Variants in LMO7 observed in about 807,000 individuals in gnomAD.
LMO7 encodes the protein LIM domain 7.
In LMO7, 120 loss-of-function variants were observed where a neutral mutation model predicts 206.5. The ratio of observed to expected loss-of-function variants is 0.58; its 90% CI spans 0.50 to 0.68. LMO7 has a LOEUF of 0.68. LMO7 is among the 30% of genes least tolerant of loss of function. The pLI, the probability that LMO7 is intolerant of heterozygous loss-of-function variation, is 0.00. For missense variants in LMO7, 1,959 were observed against 1,957.9 expected (o/e 1.00, Z -0.01); for synonymous variants, 706 against 681.5 (o/e 1.04, Z -0.56).
At chr13:75,766,437 T>C (rs947621670) in intron 4 of LMO7, among the ~76,000 whole-genome samples, 8 of 151,968 alleles carry the variant, frequency 5.3e-5, no homozygotes, top group African/African-American at 1.9e-4. Context: ...AGAGGAAATT[T>C]TGGTTTTAGG....
At position 75,823,593 on chromosome 13, in the gene LMO7, AT is replaced by A; in HGVS notation, c.2670del (p.Asp890GlufsTer35). Reference sequence around the variant, plus strand: ...GATGATGCTTGGAAGTATAATGGAGATGTTGAAGACATTAAGAGAACTCCAA... The same window carrying A: ...GATGATGCTTGGAAGTATAATGGAGAGTTGAAGACATTAAGAGAACTCCAA... ...TMDDAWKYNG[D>X]VEDIKRTPNN... is the part of the protein sequence containing the mutation. On this transcript the variant is annotated frameshift_variant, in exon 15 of 31. Coordinates refer to ENST00000377534, the MANE Select transcript of LMO7 (RefSeq NM_001306080.2). LOFTEE classifies it high-confidence loss of function. 6.2e-7 allele frequency: 1 copy of A among 1,613,530 alleles called. No homozygotes were observed. Among genetic ancestry groups the A allele is most frequent in the Non-Finnish European group, 8.5e-7 (1 of 1,179,466 alleles).
chr13:75,816,557 C>T (rs2057018604), intron 11 of LMO7, among the ~76,000 whole-genome samples: 1 of 152,128 alleles, frequency 6.6e-6, no homozygotes, highest in Non-Finnish European at 1.5e-5. Flanking sequence ...ATGCAAGCTG[C>T]CCTAATAAAA....
chr13:75,680,585 ATTTTAC>A lies in LMO7; in HGVS notation c.70-32593_70-32588del, dbSNP rs910786336. 1.1e-4 allele frequency among the ~76,000 whole-genome samples: 17 copies of A among 148,324 alleles called. No individual in the cohort carries two copies. In the East Asian group the frequency reaches 1.8e-3, roughly 16 times the overall value. On this transcript the variant is annotated intron_variant, in intron 1 of 30. Transcript: ENST00000377534. ...TTGTTTCTTGACTTTTTTTTTTTTAATTTTACTTTAAGTTCTGGGGTCCATGTGCAG... is the reference window on the plus strand; with the variant it reads ...TTGTTTCTTGACTTTTTTTTTTTTAATTTAAGTTCTGGGGTCCATGTGCAG...
At chr13:75,810,013 G>A (rs1227195813) in intron 11 of LMO7, among the ~76,000 whole-genome samples, 1 of 151,942 alleles carries the variant, frequency 6.6e-6, no homozygotes. Flanking sequence ...TGTATTTTTA[G>A]TAGAGACGGG....
chr13:75,674,750 T>C (rs1390553993), intron 1 of LMO7, among the ~76,000 whole-genome samples: 1 of 152,240 alleles, frequency 6.6e-6, no homozygotes, highest in Non-Finnish European at 1.5e-5. Context: ...CAATGGTGTC[T>C]CAAATCATTT....
chr13:75,641,707 T>G (rs1412605129), intron 1 of LMO7, among the ~76,000 whole-genome samples: 1 of 152,204 alleles, frequency 6.6e-6, no homozygotes, highest in Non-Finnish European at 1.5e-5. Context: ...CAGGCTGGAG[T>G]GCAGTGCTGT....
chr13:75,760,703 CAG>C, intron 3 of LMO7: 1 of 1,527,132 alleles, frequency 6.5e-7, no homozygotes, highest in East Asian at 2.5e-5. Flanking sequence ...ATCACAGAAA[CAG>C]TGTATGCCCG....
Position 75,821,278 on chromosome 13 carries a change from C to T in LMO7, c.2309C>T (p.Ser770Leu), listed in dbSNP as rs372209509. Residue 770 changes from serine (S) to leucine (L), a missense_variant, in exon 14 of 31, where the codon TCA becomes TTA. By Grantham distance (145) the Ser-to-Leu change is moderately radical. Coordinates refer to ENST00000377534, the MANE Select transcript of LMO7 (RefSeq NM_001306080.2). ...EGKRPPTMTVSEASYQSERVE... is the reference protein window; with the variant it reads ...EGKRPPTMTVLEASYQSERVE... ...AAGCGACCCCCTACAATGACTGTGT[C>T]AGAAGCAAGTTACCAGAGTGAGAGA... The T allele has an allele frequency of 1.2e-6, 2 of 1,613,886 alleles. No individual in the cohort carries two copies. Among genetic ancestry groups the T allele is most frequent in the African/African-American group, 2.7e-5 (2 of 74,920 alleles).
intron 2 of LMO7, among the ~76,000 whole-genome samples, chr13:75,716,399 A>T (rs1432276005): frequency 6.6e-6 from 1 of 152,146 alleles, no homozygotes; most frequent in Non-Finnish European, 1.5e-5. Flanking sequence ...TATTGAAATT[A>T]GTATCTTCAT....
At chr13:75,731,511 G>A (rs149750424) in intron 3 of LMO7, among the ~76,000 whole-genome samples, 3,382 of 151,958 alleles carry the variant, frequency 0.022, 122 homozygotes, top group African/African-American at 0.077. Context: ...TTTATTTTGA[G>A]CCTATGTGTG....
chr13:75,636,726 G>C lies in LMO7; in HGVS notation c.69G>C (p.Glu23Asp). The C allele has an allele frequency of 6.2e-7, 1 of 1,605,810 alleles. No homozygotes were observed. Among genetic ancestry groups the C allele is most frequent in the Non-Finnish European group, 8.5e-7 (1 of 1,176,830 alleles). Residue 23 changes from glutamate to aspartate, a missense_variant and splice_region_variant, in exon 1 of 31, where the codon GAG (glutamate) becomes GAC (aspartate). Glu to Asp is a conservative substitution (Grantham distance 45). Coordinates refer to ENST00000377534, the MANE Select transcript of LMO7 (RefSeq NM_001306080.2). ...TCGCTGAGGCTCAGAGATGGGTGGA[G>C]GTGAGTGCCTTTCACTGCTTTCCCT... The part of the protein sequence containing the change: ...VAFAEAQRWV[E>D]AVTEKNFETK...
chr13:75,723,867 A>T (rs1344256808), intron 2 of LMO7, among the ~76,000 whole-genome samples: 1 of 152,140 alleles, frequency 6.6e-6, no homozygotes, highest in African/African-American at 2.4e-5. Context: ...ATAGAAATTG[A>T]TTTATCACAG....
In LMO7 at chr13:75,708,850, GGTTA is replaced by G. The variant is rs761578746; in HGVS notation, c.70-4327_70-4324del. Among the ~76,000 whole-genome samples the G allele has an allele frequency of 4.8e-4, 73 of 152,102 alleles. 1 individual carries two copies. The highest frequency in any genetic ancestry group is 5.7e-4 in the Non-Finnish European group (39 of 68,018). Reference sequence around the variant, plus strand: ...TTAGGGTACATGTGCACAACGTGCAGGTTAGTTACATATGTATACATGTGCAATG... The same window carrying G: ...TTAGGGTACATGTGCACAACGTGCAGGTTACATATGTATACATGTGCAATG... On this transcript the variant is annotated intron_variant, in intron 1 of 30. Transcript: ENST00000377534.
chr13:75,819,683 T>A, intron 13 of LMO7, 148 bp downstream of exon 13: 1 of 803,134 alleles, frequency 1.2e-6, no homozygotes. Context: ...GATTTTGGTC[T>A]GCGGTGAAAA....
At chr13:75,665,004 T>C (rs2038959213) in intron 1 of LMO7, among the ~76,000 whole-genome samples, 1 of 152,202 alleles carries the variant, frequency 6.6e-6, no homozygotes, top group African/African-American at 2.4e-5. Flanking sequence ...GTGGTAAAAA[T>C]GTGCTTTCTA....
At chr13:75,853,652 T>C (rs1188546833) in intron 28 of LMO7, among the ~76,000 whole-genome samples, 2 of 152,222 alleles carry the variant, frequency 1.3e-5, no homozygotes, top group Non-Finnish European at 2.9e-5. Context: ...TGCCTGTGTT[T>C]GTGGTCAGTG....
intron 1 of LMO7, among the ~76,000 whole-genome samples, chr13:75,647,345 G>C (rs997398479): frequency 6.6e-6 from 1 of 152,168 alleles, no homozygotes; most frequent in Non-Finnish European, 1.5e-5. Flanking sequence ...TGTTGTATTA[G>C]TTGGGTTTTC....
chr13:75,752,756 G>A lies in LMO7; in HGVS notation c.211-8176G>A, dbSNP rs148585313. On this transcript the variant is annotated intron_variant, in intron 3 of 30. Transcript: ENST00000377534. ...CAGTTCCATTTGTATTAGTGCAAAA[G>A]ACATGATTTCATTTTTTAATGGCTG... 3.3e-4 allele frequency among the ~76,000 whole-genome samples: 50 copies of A among 152,334 alleles called. No individual in the cohort carries two copies. The East Asian group carries it at 8.7e-3, about 26-fold the overall frequency.
At chr13:75,823,083 C>G (rs930799633) in intron 14 of LMO7, among the ~76,000 whole-genome samples, 2 of 151,832 alleles carry the variant, frequency 1.3e-5, no homozygotes, top group Non-Finnish European at 2.9e-5. Context: ...AGATAGAACA[C>G]CAAGACCTTT....
Sources: gnomAD v4.1 joint callset for allele counts (sites outside exome capture counted in the v4.1 genomes callset) on GRCh38, gnomAD v4.1.1 for gene constraint, MANE v1.5 for transcripts, NCBI Gene and HGNC (gene_info 2026-07-23, HGNC 2026-07-21) for gene names.